MECOM: variants seen among roughly 807,000 people sequenced by gnomAD.
MECOM encodes MDS1 and EVI1 complex locus, also known as histone-lysine N-methyltransferase MECOM.
Under a neutral mutation model 116.3 loss-of-function variants are expected in MECOM, and 13 were observed. The ratio of observed to expected loss-of-function variants is 0.11; its 90% CI spans 0.07 to 0.18. MECOM has a LOEUF of 0.18. Ranked by LOEUF, MECOM falls within the 10% of genes least tolerant of loss-of-function variation. The pLI, the probability that MECOM is intolerant of heterozygous loss-of-function variation, is 1.00. For synonymous variants in MECOM, 528 were observed against 535.2 expected (o/e 0.99, Z 0.19); for missense variants, 1,299 against 1,509.0 (o/e 0.86, Z 2.31).
chr3:169,146,511 A>G (rs1376785611), intron 2 of MECOM: 1 of 1,380,156 alleles, frequency 7.2e-7, no homozygotes, highest in Admixed American at 1.9e-5. Context: ...AGACGTGTCC[A>G]GACCGCACCG....
chr3:169,202,630 T>G (rs1749313763), intron 2 of MECOM, among the ~76,000 whole-genome samples: 1 of 151,972 alleles, frequency 6.6e-6, no homozygotes, highest in South Asian at 2.1e-4. Context: ...GGCCTTTACA[T>G]TTTTAATATA....
intron 14 of MECOM, among the ~76,000 whole-genome samples, chr3:169,092,087 G>T (rs1719910838): frequency 6.6e-6 from 1 of 152,178 alleles, no homozygotes; most frequent in East Asian, 1.9e-4. Flanking sequence ...GTGAAATAGT[G>T]TTTCATTAAC....
At chr3:169,537,330 G>T (rs1432304657) in intron 1 of MECOM, among the ~76,000 whole-genome samples, 1 of 152,126 alleles carries the variant, frequency 6.6e-6, no homozygotes, top group Non-Finnish European at 1.5e-5. Context: ...TGTCTTACTA[G>T]TAAGCTCCTC....
intron 2 of MECOM, among the ~76,000 whole-genome samples, chr3:169,289,433 A>G (rs1321518697): frequency 6.6e-6 from 1 of 152,224 alleles, no homozygotes; most frequent in East Asian, 1.9e-4. Context: ...ATTAATCAGT[A>G]CTGACACCAA....
At chr3:169,371,943 T>G (rs1461413590) in intron 2 of MECOM, among the ~76,000 whole-genome samples, 7 of 152,064 alleles carry the variant, frequency 4.6e-5, no homozygotes, top group Admixed American at 4.6e-4. Flanking sequence ...GTGTGAGAAC[T>G]ATTTATTTTT....
chr3:169,486,922 A>G (rs1752451136), intron 1 of MECOM, among the ~76,000 whole-genome samples: 1 of 152,150 alleles, frequency 6.6e-6, no homozygotes, highest in Non-Finnish European at 1.5e-5. Flanking sequence ...GTTGACCTGT[A>G]GAATAATCTT....
At chr3:169,543,506 T>TA (rs1760355297) in intron 1 of MECOM, among the ~76,000 whole-genome samples, 1 of 152,162 alleles carries the variant, frequency 6.6e-6, no homozygotes, top group Non-Finnish European at 1.5e-5. Context: ...TACAGTGAGT[T>TA]ATGATCACAC....
chr3:169,332,896 C>T (rs1218582207), intron 2 of MECOM, among the ~76,000 whole-genome samples: 1 of 151,934 alleles, frequency 6.6e-6, no homozygotes, highest in Non-Finnish European at 1.5e-5. Flanking sequence ...CTAACCCATG[C>T]ATGGAGTGAC....
chr3:169,424,471 A>C (rs923095526), intron 1 of MECOM, among the ~76,000 whole-genome samples: 11 of 152,170 alleles, frequency 7.2e-5, no homozygotes, highest in African/African-American at 2.7e-4. Flanking sequence ...AGTCTAAAAA[A>C]GTCACAGCTC....
chr3:169,613,209 C>T (rs777909448), intron 1 of MECOM, among the ~76,000 whole-genome samples: 1 of 152,144 alleles, frequency 6.6e-6, no homozygotes, highest in Non-Finnish European at 1.5e-5. Flanking sequence ...AGATAGTGTG[C>T]TCTCATTTAT....
chr3:169,566,020 C>T (rs765033239), intron 1 of MECOM: 28 of 425,156 alleles, frequency 6.6e-5, no homozygotes, highest in East Asian at 3.8e-4. Context: ...TGGTGGAAGG[C>T]GAAGGGGAAA....
At chr3:169,290,280 A>T (rs1036756476) in intron 2 of MECOM, among the ~76,000 whole-genome samples, 5 of 152,200 alleles carry the variant, frequency 3.3e-5, no homozygotes, top group Non-Finnish European at 5.9e-5. Flanking sequence ...AAAAAACTAC[A>T]ATCAAGGTTA....
intron 2 of MECOM, among the ~76,000 whole-genome samples, chr3:169,259,701 C>T (rs887389508): frequency 6.6e-6 from 1 of 152,244 alleles, no homozygotes; most frequent in African/African-American, 2.4e-5. Context: ...ACAGTCCAGC[C>T]TGGGCAACAG....
chr3:169,306,219 T>G (rs1717672430), intron 2 of MECOM, among the ~76,000 whole-genome samples: 1 of 152,150 alleles, frequency 6.6e-6, no homozygotes, highest in Non-Finnish European at 1.5e-5. Context: ...TGCAATAAGT[T>G]CAATAGATTT....
chr3:169,544,480 A>T (rs1235223742), intron 1 of MECOM, among the ~76,000 whole-genome samples: 6 of 152,216 alleles, frequency 3.9e-5, no homozygotes, highest in Admixed American at 3.9e-4. Flanking sequence ...ATTCCCACCA[A>T]TGGTGTAAAC....
intron 2 of MECOM, among the ~76,000 whole-genome samples, chr3:169,231,228 G>A (rs1753354835): frequency 2.0e-5 from 3 of 152,022 alleles, no homozygotes; most frequent in African/African-American, 4.8e-5. Flanking sequence ...AAGTAAACAT[G>A]TTGTTCATTC....
intron 5 of MECOM, among the ~76,000 whole-genome samples, chr3:169,123,524 G>T (rs192525595): frequency 6.6e-6 from 1 of 151,894 alleles, no homozygotes; most frequent in Non-Finnish European, 1.5e-5. Flanking sequence ...TCTAAAATTT[G>T]TATATGAAAT....
intron 6 of MECOM, among the ~76,000 whole-genome samples, chr3:169,121,582 T>G (rs73167929): frequency 4.6e-5 from 7 of 152,158 alleles, no homozygotes; most frequent in Non-Finnish European, 1.5e-5. Context: ...AGACACATTG[T>G]GTACAAAAAT....
At chr3:169,612,261 A>G (rs1769371502) in intron 1 of MECOM, among the ~76,000 whole-genome samples, 1 of 152,230 alleles carries the variant, frequency 6.6e-6, no homozygotes, top group African/African-American at 2.4e-5. Context: ...ATAATTTCTT[A>G]AAGAAATTGT....
Sources: gnomAD v4.1 joint callset for allele counts (sites outside exome capture counted in the v4.1 genomes callset) on GRCh38, gnomAD v4.1.1 for gene constraint, MANE v1.5 for transcripts, NCBI Gene and HGNC (gene_info 2026-07-23, HGNC 2026-07-21) for gene names.